EPHA5: variants seen among roughly 807,000 people sequenced by gnomAD.
The protein encoded by EPHA5 is ephrin type-A receptor 5.
A neutral mutation model predicts 105.0 loss-of-function variants in EPHA5; 60 were observed. That is an observed-to-expected ratio of 0.57 (90% confidence interval 0.46 to 0.71). The LOEUF (loss-of-function observed/expected upper bound fraction) is 0.71, where lower values mean the gene tolerates loss of function less well. Among genes scored for constraint, EPHA5 ranks in the 30% least tolerant of loss-of-function variants. The pLI, the probability that EPHA5 is intolerant of heterozygous loss-of-function variation, is 0.00. For missense variants in EPHA5, 1,218 were observed against 1,274.7 expected (o/e 0.96, Z 0.68); for synonymous variants, 513 against 449.1 (o/e 1.14, Z -1.80).
chr4:65,416,895 T>G (rs1380248519), intron 6 of EPHA5, among the ~76,000 whole-genome samples: 1 of 152,212 alleles, frequency 6.6e-6, no homozygotes, highest in Non-Finnish European at 1.5e-5. Context: ...ACTCTCATAT[T>G]GTAATTTTCT....
intron 8 of EPHA5, among the ~76,000 whole-genome samples, chr4:65,399,097 C>G (rs1416564399): frequency 6.6e-6 from 1 of 152,184 alleles, no homozygotes. Context: ...TGCTCCGAGT[C>G]AGGAATGTGA....
At chr4:65,447,750 T>A (rs1037023298) in intron 5 of EPHA5, among the ~76,000 whole-genome samples, 5 of 151,726 alleles carry the variant, frequency 3.3e-5, no homozygotes, top group African/African-American at 1.2e-4. Context: ...TAAAAACAAT[T>A]GGGAATTTCT....
At chr4:65,329,390 C>G (rs1488541859) in intron 16 of EPHA5, among the ~76,000 whole-genome samples, 1 of 151,348 alleles carries the variant, frequency 6.6e-6, no homozygotes, top group African/African-American at 2.4e-5. Flanking sequence ...AATCCATATA[C>G]AAGTGAAGTT....
intron 8 of EPHA5, among the ~76,000 whole-genome samples, chr4:65,371,549 A>T (rs1397766624): frequency 2.0e-5 from 3 of 152,078 alleles, no homozygotes; most frequent in Non-Finnish European, 4.4e-5. Flanking sequence ...TTATGTAGAG[A>T]TGGACAGCCA....
intron 2 of EPHA5, among the ~76,000 whole-genome samples, chr4:65,636,742 T>G (rs1747154135): frequency 6.6e-6 from 1 of 152,100 alleles, no homozygotes; most frequent in African/African-American, 2.4e-5. Context: ...CCATCATCTC[T>G]CTGACACTTT....
At chr4:65,445,330 A>C (rs1726411315) in intron 5 of EPHA5, among the ~76,000 whole-genome samples, 1 of 152,192 alleles carries the variant, frequency 6.6e-6, no homozygotes, top group Admixed American at 6.5e-5. Context: ...TGATTGAACA[A>C]AAATATTACA....
chr4:65,387,523 G>A (rs538593076), intron 8 of EPHA5, among the ~76,000 whole-genome samples: 1 of 152,012 alleles, frequency 6.6e-6, no homozygotes, highest in South Asian at 2.1e-4. Flanking sequence ...AAAAGCAACA[G>A]TATACACTAG....
intron 5 of EPHA5, among the ~76,000 whole-genome samples, chr4:65,484,779 A>G (rs1206658897): frequency 6.6e-6 from 1 of 152,182 alleles, no homozygotes; most frequent in East Asian, 1.9e-4. Flanking sequence ...ATAGAAACAA[A>G]GTATATATTT....
intron 5 of EPHA5, among the ~76,000 whole-genome samples, chr4:65,447,418 G>A (rs1202270084): frequency 6.6e-6 from 1 of 151,396 alleles, no homozygotes; most frequent in Non-Finnish European, 1.5e-5. Context: ...CTGAAAAGAG[G>A]ATTTGGGGCC....
At chr4:65,631,719 C>T (rs1746645830) in intron 2 of EPHA5, among the ~76,000 whole-genome samples, 1 of 123,802 alleles carries the variant, frequency 8.1e-6, no homozygotes, top group African/African-American at 2.6e-5. Context: ...GGACATGTAC[C>T]CTAAAACTTA....
At position 65,322,136 on chromosome 4, in the gene EPHA5, C is replaced by T; in HGVS notation, c.*1978G>A. On this transcript the variant is annotated 3_prime_UTR_variant, in exon 17 of 17. Coordinates refer to ENST00000613740, the MANE Select transcript of EPHA5 (RefSeq NM_001281766.3). The stretch of plus-strand genomic sequence containing the variant: ...ACTAATAGATTATATGTTTGCAGCA[C>T]AGTTTGTGTGGACCCATGGTATATA... The T allele has an allele frequency of 4.5e-6, 1 of 224,356 alleles. No homozygotes were observed. The highest frequency in any genetic ancestry group is 8.9e-6 in the Non-Finnish European group (1 of 112,426). The allele number at this position is 224,356 out of a possible 1,614,324, so 13.9% of individuals were successfully genotyped here.
At chr4:65,558,675 T>A (rs547968307) in intron 3 of EPHA5, among the ~76,000 whole-genome samples, 7 of 152,078 alleles carry the variant, frequency 4.6e-5, no homozygotes, top group Non-Finnish European at 8.8e-5. Context: ...GTATATCTCC[T>A]AATGCTCCCT....
At chr4:65,458,237 C>T (rs763579641) in intron 5 of EPHA5, among the ~76,000 whole-genome samples, 14 of 152,030 alleles carry the variant, frequency 9.2e-5, no homozygotes, top group East Asian at 3.9e-4. Flanking sequence ...TAGTTTCATA[C>T]GAAGAAATTG....
At chr4:65,486,194 G>A (rs1241562681) in intron 5 of EPHA5, among the ~76,000 whole-genome samples, 1 of 151,944 alleles carries the variant, frequency 6.6e-6, no homozygotes, top group Non-Finnish European at 1.5e-5. Context: ...TCTCATTACT[G>A]GTTCCCCCAG....
chr4:65,659,657 C>T (rs974176582), intron 1 of EPHA5, among the ~76,000 whole-genome samples: 4 of 152,034 alleles, frequency 2.6e-5, no homozygotes, highest in South Asian at 4.2e-4. Flanking sequence ...TGTCCCCCAC[C>T]CAGTAAGTCA....
chr4:65,333,267 TCTCTAC>T (rs1333946182), intron 15 of EPHA5, among the ~76,000 whole-genome samples: 1 of 151,714 alleles, frequency 6.6e-6, no homozygotes, highest in Non-Finnish European at 1.5e-5. Flanking sequence ...AATACCTTTC[TCTCTAC>T]TCAGGTTCTC....
At chr4:65,407,475 A>G (rs1433333928) in intron 7 of EPHA5, among the ~76,000 whole-genome samples, 1 of 151,354 alleles carries the variant, frequency 6.6e-6, no homozygotes, top group Admixed American at 6.6e-5. Flanking sequence ...ATATTGCATT[A>G]AAATAATTGC....
intron 3 of EPHA5, among the ~76,000 whole-genome samples, chr4:65,516,570 G>T (rs1428300251): frequency 6.6e-6 from 1 of 151,916 alleles, no homozygotes; most frequent in African/African-American, 2.4e-5. Flanking sequence ...GTGTGGGCAT[G>T]CGCGCGTGCA....
chr4:65,664,682 G>T (rs1439091362), intron 1 of EPHA5, among the ~76,000 whole-genome samples: 1 of 151,772 alleles, frequency 6.6e-6, no homozygotes, highest in Non-Finnish European at 1.5e-5. Context: ...ACTCAGAAGG[G>T]CACAGCAGTA....
Sources: allele counts gnomAD v4.1 joint callset (sites outside exome capture counted in the v4.1 genomes callset), GRCh38; gene constraint gnomAD v4.1.1; transcripts MANE v1.5; gene names NCBI Gene and HGNC (gene_info 2026-07-23, HGNC 2026-07-21).